Variants in UNC5C observed in about 807,000 individuals in gnomAD.
UNC5C encodes unc-5 netrin receptor C.
A neutral mutation model predicts 99.8 loss-of-function variants in UNC5C; 47 were observed. That is an observed-to-expected ratio of 0.47 (90% CI 0.37 to 0.60). UNC5C has a LOEUF of 0.60. Ranked by LOEUF, UNC5C falls within the 20% of genes least tolerant of loss-of-function variation. UNC5C has a pLI of 0.00. For synonymous variants in UNC5C, 487 were observed against 452.2 expected (o/e 1.08, Z -0.98); for missense variants, 1,062 against 1,165.9 (o/e 0.91, Z 1.30).
At chr4:95,339,285 A>G (rs912458082) in intron 1 of UNC5C, among the ~76,000 whole-genome samples, 1 of 152,020 alleles carries the variant, frequency 6.6e-6, no homozygotes, top group Non-Finnish European at 1.5e-5. Context: ...TGCCCATCAA[A>G]GGTCCTCTGT....
chr4:95,407,482 G>A (rs992548365), intron 1 of UNC5C, among the ~76,000 whole-genome samples: 3 of 152,018 alleles, frequency 2.0e-5, no homozygotes, highest in African/African-American at 4.8e-5. Context: ...AACCAATCAT[G>A]CTCAGCTGAG....
chr4:95,505,900 T>C (rs1162147168), intron 1 of UNC5C, among the ~76,000 whole-genome samples: 4 of 151,892 alleles, frequency 2.6e-5, no homozygotes, highest in African/African-American at 9.7e-5. Flanking sequence ...AGACCAAGAG[T>C]AGATACAAAG....
At position 95,168,234 on chromosome 4, in the gene UNC5C, C is replaced by T. The variant is rs1735934834; in HGVS notation, c.*1000G>A. 6.6e-6 allele frequency: 1 copy of T among 152,174 alleles called. No homozygotes were observed. Among genetic ancestry groups the T allele is most frequent in the Admixed American group, 6.5e-5 (1 of 15,278 alleles). 9.4% of individuals were successfully genotyped at this position (152,174 alleles called of 1,614,324 possible). A position where few individuals can be genotyped will look rare whatever the true frequency, so the allele number is the denominator to read the frequency against. On this transcript the variant is annotated 3_prime_UTR_variant, in exon 16 of 16. Transcript: ENST00000453304. ...ACAAAGCCATTCAGCATTTATCAATCACCTTTCTGGGGTGGAATAAGGGAA... is the reference window on the plus strand; with the variant it reads ...ACAAAGCCATTCAGCATTTATCAATTACCTTTCTGGGGTGGAATAAGGGAA...
At chr4:95,238,823 A>G (rs1476311983) in intron 7 of UNC5C, among the ~76,000 whole-genome samples, 1 of 152,156 alleles carries the variant, frequency 6.6e-6, no homozygotes, top group African/African-American at 2.4e-5. Flanking sequence ...CTAAAGCTGT[A>G]TCTGATTTTT....
intron 12 of UNC5C, among the ~76,000 whole-genome samples, chr4:95,191,781 GCCCACCTT>G (rs2149354902): frequency 8.9e-6 from 1 of 112,938 alleles, no homozygotes; most frequent in African/African-American, 3.5e-5. Context: ...CACCTCTTCT[GCCCACCTT>G]CCTCCCTTCT....
chr4:95,326,448 G>A (rs530251665), intron 2 of UNC5C, among the ~76,000 whole-genome samples: 1 of 152,236 alleles, frequency 6.6e-6, no homozygotes, highest in Non-Finnish European at 1.5e-5. Flanking sequence ...CTGAGCCTGA[G>A]TTCTTCTTAA....
intron 2 of UNC5C, among the ~76,000 whole-genome samples, chr4:95,333,045 G>A (rs886476361): frequency 5.9e-5 from 9 of 152,162 alleles, no homozygotes; most frequent in Admixed American, 1.3e-4. Flanking sequence ...CAGTTAGAAT[G>A]GCAATCATTA....
At chr4:95,482,252 GA>G (rs1721180327) in intron 1 of UNC5C, among the ~76,000 whole-genome samples, 3 of 151,508 alleles carry the variant, frequency 2.0e-5, no homozygotes, top group Non-Finnish European at 4.4e-5. Flanking sequence ...AAAGACACAT[GA>G]AAAAATGCTC....
intron 1 of UNC5C, among the ~76,000 whole-genome samples, chr4:95,405,423 C>T (rs566457188): frequency 2.0e-5 from 3 of 152,286 alleles, no homozygotes; most frequent in African/African-American, 7.2e-5. Flanking sequence ...TCACTATAAG[C>T]TCTAAAGCTC....
At chr4:95,468,700 T>C (rs1252436643) in intron 1 of UNC5C, among the ~76,000 whole-genome samples, 1 of 152,132 alleles carries the variant, frequency 6.6e-6, no homozygotes, top group African/African-American at 2.4e-5. Flanking sequence ...ATCTTTACCA[T>C]AGAGGACTAT....
At position 95,187,158 on chromosome 4, in the gene UNC5C, A is replaced by G. The variant is rs546229257; in HGVS notation, c.2137-1962T>C. 1.6e-4 allele frequency among the ~76,000 whole-genome samples: 24 copies of G among 152,286 alleles called. No homozygotes were observed. The South Asian group carries it at 2.5e-3, about 16-fold the overall frequency. On this transcript the variant is annotated intron_variant, in intron 12 of 15. Coordinates refer to ENST00000453304, the MANE Select transcript of UNC5C (RefSeq NM_003728.4). ...TAGAGAAAGCTGATGTTCCCAGTGA[A>G]CCTGGCACCTGACAAATTCTAAAGC...
chr4:95,236,577 T>C (rs1739123547), intron 7 of UNC5C, among the ~76,000 whole-genome samples: 1 of 146,128 alleles, frequency 6.8e-6, no homozygotes, highest in Non-Finnish European at 1.5e-5. Context: ...GAACTTAAAG[T>C]ATAATAATAA....
chr4:95,163,373 T>A lies in UNC5C; in HGVS notation c.*5861A>T, dbSNP rs916271761. 1 of 152,198 alleles carries A rather than the reference T, an allele frequency of 6.6e-6. No homozygotes were observed. The highest frequency in any genetic ancestry group is 1.5e-5 in the Non-Finnish European group (1 of 68,044). 9.4% of individuals were successfully genotyped at this position (152,198 alleles called of 1,614,324 possible). On this transcript the variant is annotated 3_prime_UTR_variant, in exon 16 of 16. Transcript: ENST00000453304. ...TTTTAACATTGAGAACCTATGTAGC[T>A]CAGGTCCCCATTCTCTGATGCTGCC...
intron 1 of UNC5C, among the ~76,000 whole-genome samples, chr4:95,411,813 C>T (rs566161801): frequency 1.1e-4 from 17 of 152,268 alleles, no homozygotes; most frequent in African/African-American, 3.8e-4. Context: ...GGATCTCAGA[C>T]TAGTCATTGT....
chr4:95,163,372 C>A lies in UNC5C; in HGVS notation c.*5862G>T, dbSNP rs1177577241. 2.0e-5 allele frequency: 3 copies of A among 152,238 alleles called. No homozygotes were observed. Among genetic ancestry groups the A allele is most frequent in the African/African-American group, 7.2e-5 (3 of 41,462 alleles). The allele number at this position is 152,238 out of a possible 1,614,324, so 9.4% of individuals were successfully genotyped here. On this transcript the variant is annotated 3_prime_UTR_variant, in exon 16 of 16. Coordinates refer to ENST00000453304, the MANE Select transcript of UNC5C (RefSeq NM_003728.4). ...GTTTTAACATTGAGAACCTATGTAG[C>A]TCAGGTCCCCATTCTCTGATGCTGC...
chr4:95,459,221 C>T (rs1335960558), intron 1 of UNC5C, among the ~76,000 whole-genome samples: 1 of 152,112 alleles, frequency 6.6e-6, no homozygotes, highest in Non-Finnish European at 1.5e-5. Flanking sequence ...TCAAATTGCT[C>T]ATCGCTTCCT....
At chr4:95,403,416 A>T (rs1745752624) in intron 1 of UNC5C, among the ~76,000 whole-genome samples, 1 of 152,140 alleles carries the variant, frequency 6.6e-6, no homozygotes, top group Admixed American at 6.5e-5. Flanking sequence ...TGGAGATGAC[A>T]AGAAGGCTTT....
chr4:95,262,635 T>A (rs1740284907), intron 4 of UNC5C, among the ~76,000 whole-genome samples: 1 of 152,084 alleles, frequency 6.6e-6, no homozygotes, highest in Non-Finnish European at 1.5e-5. Flanking sequence ...TTAAAAAAAA[T>A]TAACAATTTG....
At chr4:95,282,912 C>T (rs72887751) in intron 3 of UNC5C, among the ~76,000 whole-genome samples, 6,901 of 152,046 alleles carry the variant, frequency 0.045, 532 homozygotes, top group African/African-American at 0.16. Context: ...TTCTATGACT[C>T]GCCTCGGGGG....
Sources: gnomAD v4.1 joint callset for allele counts (sites outside exome capture counted in the v4.1 genomes callset) on GRCh38, gnomAD v4.1.1 for gene constraint, MANE v1.5 for transcripts, NCBI Gene and HGNC (gene_info 2026-07-23, HGNC 2026-07-21) for gene names.